Variants in RMDN1 observed in about 807,000 individuals in gnomAD.
The protein encoded by RMDN1 is regulator of microtubule dynamics protein 1.
RMDN1 carries 48 observed loss-of-function variants against 48.9 expected under a neutral mutation model. The observed-to-expected ratio is 0.98, with a 90% CI of 0.78 to 1.25. The LOEUF is 1.25. Among genes scored for constraint, RMDN1 ranks in the 50% most tolerant of loss-of-function variants. The pLI, the probability that RMDN1 is intolerant of heterozygous loss-of-function variation, is 0.00. For synonymous variants in RMDN1, 148 were observed against 132.6 expected (o/e 1.12, Z -0.80); for missense variants, 418 against 373.4 (o/e 1.12, Z -0.98).
Position 86,480,275 on chromosome 8 carries a change from A to G in RMDN1, c.641+2T>C. On this transcript the variant is annotated splice_donor_variant, in intron 6 of 9. Coordinates refer to ENST00000406452, the MANE Select transcript of RMDN1 (RefSeq NM_016033.3). LOFTEE classifies it high-confidence loss of function. The stretch of plus-strand genomic sequence containing the variant: ...CTGAAATATTTAAAGAAATTTTCTT[A>G]CCAAATACCCATAAGGTGAATTGAA... The G allele has an allele frequency of 6.7e-7, 1 of 1,502,784 alleles. No homozygotes were observed. The highest frequency in any genetic ancestry group is 2.3e-5 in the East Asian group (1 of 43,204). 93.1% of individuals were successfully genotyped at this position (1,502,784 alleles called of 1,614,324 possible).
intron 7 of RMDN1, 169 bp downstream of exon 7, chr8:86,478,754 C>T (rs1813828052): frequency 1.6e-6 from 1 of 617,706 alleles, no homozygotes; most frequent in Admixed American, 3.0e-5. Context: ...GAAAACCACT[C>T]ACCAGTCAAG....
intron 2 of RMDN1, among the ~76,000 whole-genome samples, chr8:86,489,071 G>A (rs551235333): frequency 6.6e-6 from 1 of 152,338 alleles, no homozygotes; most frequent in East Asian, 1.9e-4. Context: ...GCTCTACACA[G>A]TCTTTGTTGT....
chr8:86,485,590 T>A (rs140704510), intron 4 of RMDN1, among the ~76,000 whole-genome samples: 1 of 152,238 alleles, frequency 6.6e-6, no homozygotes, highest in Non-Finnish European at 1.5e-5. Flanking sequence ...TGTAATTGAA[T>A]GTTTTATTTT....
rs2131298148 is a variant in RMDN1 at position 86,504,690 on chromosome 8, T to C, written c.247+2305A>G. ...GAGCTTTGTCTTTATCGGGGCTATCTTGGTCTTTGTGGCCTTTGAAATTGG... is the reference window on the plus strand; with the variant it reads ...GAGCTTTGTCTTTATCGGGGCTATCCTGGTCTTTGTGGCCTTTGAAATTGG... On this transcript the variant is annotated intron_variant, in intron 2 of 9. Transcript: ENST00000406452. 4 of 885,630 alleles carry C rather than the reference T, an allele frequency of 4.5e-6. No homozygotes were observed. In the East Asian group the frequency reaches 9.6e-5, roughly 21 times the overall value. The allele number at this position is 885,630 out of a possible 1,614,324, so 54.9% of individuals were successfully genotyped here.
chr8:86,503,949 C>T (rs72690429), intron 2 of RMDN1: 5 of 754,228 alleles, frequency 6.6e-6, no homozygotes, highest in Non-Finnish European at 1.2e-5. Flanking sequence ...CCCTGGGCTG[C>T]TTGGTTATTG....
intron 4 of RMDN1, among the ~76,000 whole-genome samples, 196 bp from the exon 5 acceptor site, chr8:86,485,157 G>A (rs1311490026): frequency 2.0e-5 from 3 of 152,186 alleles, no homozygotes; most frequent in Non-Finnish European, 2.9e-5. Context: ...AGGGTTGGGC[G>A]CAGTGGCTCA....
At chr8:86,471,723 T>A (rs887859927), downstream of RMDN1, among the ~76,000 whole-genome samples, 10 of 151,996 alleles carry the variant, frequency 6.6e-5, no homozygotes, top group Non-Finnish European at 1.3e-4. Context: ...GAAAAATCAG[T>A]AAGTGATAAA....
rs559614049 is a variant in RMDN1, at chr8:86,493,834, C to T, written c.248-5195G>A. 2.6e-5 allele frequency among the ~76,000 whole-genome samples: 4 copies of T among 152,278 alleles called. No individual in the cohort carries two copies. The South Asian group carries it at 8.3e-4, about 32-fold the overall frequency. On this transcript the variant is annotated intron_variant, in intron 2 of 9. Transcript: ENST00000406452. Reference sequence around the variant, plus strand: ...AAGATATAAATGCAACATAAATAAACTCTATGTTTAGACTTGGGTCCCATT... The same window carrying T: ...AAGATATAAATGCAACATAAATAAATTCTATGTTTAGACTTGGGTCCCATT...
Position 86,474,103 on chromosome 8 carries a change from T to C in RMDN1, c.*205A>G, listed in dbSNP as rs906699227. 31 of 1,299,226 alleles carry C rather than the reference T, an allele frequency of 2.4e-5. No homozygotes were observed. In the East Asian group the frequency reaches 5.6e-4, roughly 23 times the overall value. 80.5% of individuals were successfully genotyped at this position (1,299,226 alleles called of 1,614,324 possible). ...CAAAATAATCTCTTTGCCTGAGCCA[T>C]GGAGATTTATTTCTACCACTCTTAT... On this transcript the variant is annotated 3_prime_UTR_variant, in exon 10 of 10. Coordinates refer to ENST00000406452, the MANE Select transcript of RMDN1 (RefSeq NM_016033.3).
At chr8:86,474,591 A>G in intron 9 of RMDN1, 2 of 713,132 alleles carry the variant, frequency 2.8e-6, no homozygotes, top group East Asian at 2.7e-5. Context: ...TGTGTCAAAC[A>G]GGAATAATTC....
chr8:86,504,588 T>C (rs1488032968), intron 2 of RMDN1: 5 of 1,050,936 alleles, frequency 4.8e-6, no homozygotes, highest in African/African-American at 3.1e-5. Flanking sequence ...GGACCCTGCA[T>C]ATGATAGGCC....
chr8:86,513,940 C>T (rs889563785), intron 1 of RMDN1, among the ~76,000 whole-genome samples: 4 of 151,810 alleles, frequency 2.6e-5, no homozygotes, highest in Admixed American at 2.0e-4. Context: ...AGCCTGAGCC[C>T]GTGATCCTTC....
Position 86,480,339 on chromosome 8 carries a change from A to AAATGCTCCTTGAT in RMDN1, c.586-8_586-7insATCAAGGAGCATT. 1 of 1,470,772 alleles carries AAATGCTCCTTGAT rather than the reference A, an allele frequency of 6.8e-7. No individual in the cohort carries two copies. The highest frequency in any genetic ancestry group is 9.3e-7 in the Non-Finnish European group (1 of 1,076,442). The allele number at this position is 1,470,772 out of a possible 1,614,324, so 91.1% of individuals were successfully genotyped here. ...GGTTCAGTTCAATTGCTTTCTAACAAGAAATGAGAAAAATAAATCATATTT... is the reference window on the plus strand; with the variant it reads ...GGTTCAGTTCAATTGCTTTCTAACAAAATGCTCCTTGATGAAATGAGAAAAATAAATCATATTT... On this transcript the variant is annotated splice_polypyrimidine_tract_variant and splice_region_variant and intron_variant, in intron 5 of 9. Transcript: ENST00000406452.
chr8:86,482,922 C>T, intron 5 of RMDN1: 1 of 885,734 alleles, frequency 1.1e-6, no homozygotes, highest in Non-Finnish European at 1.9e-6. Flanking sequence ...TGGCTGTTTC[C>T]TCCAGAGGCA....
rs1812917729 is a variant in RMDN1, at chr8:86,473,849, T to C, written c.*459A>G. On this transcript the variant is annotated 3_prime_UTR_variant, in exon 10 of 10. Transcript: ENST00000406452. Reference sequence around the variant, plus strand: ...TTACACAGGTTAGCTCCAAGATATATCATTTAACTACTTTATGTCAGGAAC... The same window carrying C: ...TTACACAGGTTAGCTCCAAGATATACCATTTAACTACTTTATGTCAGGAAC... 2.0e-6 allele frequency: 2 copies of C among 988,078 alleles called. No individual in the cohort carries two copies. Among genetic ancestry groups the C allele is most frequent in the Non-Finnish European group, 2.4e-6 (2 of 831,732 alleles). The allele number at this position is 988,078 out of a possible 1,614,324, so 61.2% of individuals were successfully genotyped here. A position where few individuals can be genotyped will look rare whatever the true frequency, so the allele number is the denominator to read the frequency against.
intron 2 of RMDN1, among the ~76,000 whole-genome samples, chr8:86,493,917 C>T (rs916266556): frequency 2.0e-5 from 3 of 152,080 alleles, no homozygotes; most frequent in African/African-American, 7.2e-5. Flanking sequence ...AATCCAAAAT[C>T]GGAAACACTT....
At position 86,490,781 on chromosome 8, in the gene RMDN1, T is replaced by C. The variant is rs535169686; in HGVS notation, c.248-2142A>G. 7.9e-5 allele frequency among the ~76,000 whole-genome samples: 12 copies of C among 152,326 alleles called. No individual in the cohort carries two copies. The South Asian group carries it at 2.1e-3, about 26-fold the overall frequency. The stretch of plus-strand genomic sequence containing the variant: ...TACTTTTAAATATATTCATTGATTA[T>C]TCTCTGACTTACTAAAAAGACTAAT... On this transcript the variant is annotated intron_variant, in intron 2 of 9. Coordinates refer to ENST00000406452, the MANE Select transcript of RMDN1 (RefSeq NM_016033.3).
upstream of RMDN1, among the ~76,000 whole-genome samples, chr8:86,509,448 C>G (rs1563675233): frequency 6.6e-6 from 1 of 152,016 alleles, no homozygotes; most frequent in Non-Finnish European, 1.5e-5. Flanking sequence ...CTACTTGAGG[C>G]CTGATCAGGG....
At chr8:86,470,263 T>G, downstream of RMDN1, 1 of 1,289,338 alleles carries the variant, frequency 7.8e-7, no homozygotes, top group Non-Finnish European at 1.0e-6. Flanking sequence ...AATCCAGCAG[T>G]CAGCTCTGGA....
Sources: gnomAD v4.1 joint callset for allele counts (sites outside exome capture counted in the v4.1 genomes callset) on GRCh38, gnomAD v4.1.1 for gene constraint, MANE v1.5 for transcripts, NCBI Gene and HGNC (gene_info 2026-07-23, HGNC 2026-07-21) for gene names.